The following DTNB variants were observed in gnomAD, a reference collection of about 807,000 sequenced individuals.
The protein encoded by DTNB is dystrobrevin beta, also known as DTN-B.
In DTNB, 63 loss-of-function variants were observed where a neutral mutation model predicts 90.7. The ratio of observed to expected loss-of-function variants is 0.69; its 90% CI spans 0.57 to 0.86. The LOEUF is 0.86. Among genes scored for constraint, DTNB ranks in the 40% least tolerant of loss-of-function variants. The pLI is 0.00. For synonymous variants in DTNB, 277 were observed against 286.7 expected, an observed-to-expected ratio of 0.97 and a Z score of 0.34; for missense variants, 744 against 807.1, an observed-to-expected ratio of 0.92 and a Z score of 0.95.
chr2:25,427,227 CTTT>C (rs1441937532), intron 15 of DTNB, among the ~76,000 whole-genome samples: 2 of 116,544 alleles, frequency 1.7e-5, no homozygotes, highest in East Asian at 2.2e-4. Context: ...ACACACACTA[CTTT>C]AAGTAGTTGA....
intron 3 of DTNB, among the ~76,000 whole-genome samples, chr2:25,631,862 T>C (rs1007258939): frequency 3.3e-5 from 5 of 152,090 alleles, no homozygotes; most frequent in Admixed American, 2.0e-4. Flanking sequence ...TGAGAGAATA[T>C]GTTTTATTTT....
chr2:25,388,084 A>G (rs141043589), intron 17 of DTNB, 118 bp downstream of exon 17: 1 of 1,478,324 alleles, frequency 6.8e-7, no homozygotes, highest in African/African-American at 1.4e-5. Flanking sequence ...CTGTCTGTCA[A>G]AATCTGATCA....
At chr2:25,607,460 ATTT>A in intron 4 of DTNB, 139 bp from the exon 5 acceptor site, 9 of 628,312 alleles carry the variant, frequency 1.4e-5, no homozygotes, top group African/African-American at 2.0e-5. Flanking sequence ...GAAACCCTGG[ATTT>A]TTTTTTTTTC....
chr2:25,529,144 G>T (rs1294477225), intron 9 of DTNB, among the ~76,000 whole-genome samples: 1 of 152,158 alleles, frequency 6.6e-6, no homozygotes, highest in Non-Finnish European at 1.5e-5. Flanking sequence ...TGAGATATTG[G>T]CATAGGGATG....
At chr2:25,433,805 C>T in intron 13 of DTNB, 105 bp downstream of exon 13, 1 of 1,323,734 alleles carries the variant, frequency 7.6e-7, no homozygotes, top group African/African-American at 1.5e-5. Context: ...GAGGCAAGGT[C>T]TTCCTTGGCG....
Position 25,448,289 on chromosome 2 carries a change from C to G in DTNB, c.1257+3259G>C, listed in dbSNP as rs541114942. Among the ~76,000 whole-genome samples the G allele has an allele frequency of 2.6e-5, 4 of 152,204 alleles. No homozygotes were observed. In the South Asian group the frequency reaches 8.3e-4, roughly 32 times the overall value. On this transcript the variant is annotated intron_variant, in intron 12 of 20. Transcript: ENST00000406818. ...GTCCACCATAGTATCCAATCTGGCA[C>G]AGTACAGCAACAAAAGAAGTATTTG...
chr2:25,381,593 C>T (rs955295549), intron 19 of DTNB, among the ~76,000 whole-genome samples: 1 of 152,192 alleles, frequency 6.6e-6, no homozygotes, highest in African/African-American at 2.4e-5. Context: ...CTATGCTGGT[C>T]TCAAACTCCT....
chr2:25,644,603 A>C (rs1262073131), intron 2 of DTNB, among the ~76,000 whole-genome samples: 7 of 152,062 alleles, frequency 4.6e-5, no homozygotes, highest in Non-Finnish European at 8.8e-5. Flanking sequence ...AAATACAAAA[A>C]TTAGCTGGGC....
chr2:25,591,719 T>C (rs2063608069), intron 6 of DTNB, among the ~76,000 whole-genome samples: 1 of 152,184 alleles, frequency 6.6e-6, no homozygotes, highest in African/African-American at 2.4e-5. Flanking sequence ...ACAATTTTTC[T>C]ATTATTAAAA....
At chr2:25,580,147 A>G (rs1211592672) in intron 7 of DTNB, among the ~76,000 whole-genome samples, 2 of 151,648 alleles carry the variant, frequency 1.3e-5, no homozygotes, top group African/African-American at 4.8e-5. Flanking sequence ...ACGCCCAGCT[A>G]ATTTTTGTAT....
intron 16 of DTNB, among the ~76,000 whole-genome samples, chr2:25,416,350 T>C (rs965015142): frequency 6.6e-6 from 1 of 152,246 alleles, no homozygotes; most frequent in Non-Finnish European, 1.5e-5. Context: ...AAACTCTTCA[T>C]TTTAAAAGTG....
chr2:25,435,706 T>C (rs2055513924), intron 12 of DTNB, among the ~76,000 whole-genome samples: 1 of 152,210 alleles, frequency 6.6e-6, no homozygotes, highest in South Asian at 2.1e-4. Flanking sequence ...TGAGCATGTA[T>C]GTTGAGTTAT....
intron 16 of DTNB, among the ~76,000 whole-genome samples, chr2:25,414,304 C>A (rs560626290): frequency 1.3e-5 from 2 of 152,242 alleles, no homozygotes; most frequent in South Asian, 4.1e-4. Flanking sequence ...GGCTGAAGTG[C>A]GGAGTGCAGT....
chr2:25,602,730 T>C (rs983596521), intron 5 of DTNB, among the ~76,000 whole-genome samples: 1 of 152,312 alleles, frequency 6.6e-6, no homozygotes, highest in African/African-American at 2.4e-5. Context: ...ATTATTATTA[T>C]AAAACCATTG....
At chr2:25,637,189 C>A (rs574406059) in intron 3 of DTNB, among the ~76,000 whole-genome samples, 1 of 152,078 alleles carries the variant, frequency 6.6e-6, no homozygotes, top group African/African-American at 2.4e-5. Flanking sequence ...CTTCCTTACA[C>A]CTTATACAAA....
chr2:25,570,406 CAAAAAA>C lies in DTNB; in HGVS notation c.876+6426_876+6431del, dbSNP rs146251976. Among the ~76,000 whole-genome samples the C allele has an allele frequency of 8.0e-4, 72 of 89,912 alleles. 1 individual carries two copies. Among genetic ancestry groups the C allele is most frequent in the African/African-American group, 3.4e-3 (67 of 19,628 alleles). The allele number at this position is 89,912 out of a possible 152,430, so 59.0% of individuals were successfully genotyped here. A position where few individuals can be genotyped will look rare whatever the true frequency, so the allele number is the denominator to read the frequency against. ...TGGACAATAGAGTGGTTTCCTGTCT[CAAAAAA>C]AAAAAAAAAAAAAAAAAAAGAAGAA... On this transcript the variant is annotated intron_variant, in intron 8 of 20. Transcript: ENST00000406818.
chr2:25,453,068 G>A (rs1265568171), intron 11 of DTNB, among the ~76,000 whole-genome samples: 1 of 152,082 alleles, frequency 6.6e-6, no homozygotes, highest in Admixed American at 6.6e-5. Flanking sequence ...AAAAATGAAT[G>A]CTTAACGATA....
At chr2:25,634,558 C>T in intron 3 of DTNB, among the ~76,000 whole-genome samples, 1 of 143,186 alleles carries the variant, frequency 7.0e-6, no homozygotes, top group African/African-American at 2.5e-5. Context: ...GGGAGGTGTG[C>T]CCAGCAGCTC....
rs1359014707 is a variant in DTNB, at chr2:25,583,262, A to AAT, written c.604-2438_604-2437dup. Among the ~76,000 whole-genome samples, 369 of 137,432 alleles carry AAT rather than the reference A, an allele frequency of 2.7e-3. 2 individuals carry two copies. The highest frequency in any genetic ancestry group is 0.021 in the East Asian group (99 of 4,818). The allele number at this position is 137,432 out of a possible 152,430, so 90.2% of individuals were successfully genotyped here. A position where few individuals can be genotyped will look rare whatever the true frequency, so the allele number is the denominator to read the frequency against. On this transcript the variant is annotated intron_variant, in intron 6 of 20. Coordinates refer to ENST00000406818, the MANE Select transcript of DTNB (RefSeq NM_021907.5). Reference sequence around the variant, plus strand: ...ATTCCGTCTCAAAAAAAAAAAAAAAAATATATATATATATATATACACACA... The same window carrying AAT: ...ATTCCGTCTCAAAAAAAAAAAAAAAAATATATATATATATATATATACACACA...
Sources: gnomAD v4.1 joint callset for allele counts (sites outside exome capture counted in the v4.1 genomes callset) on GRCh38, gnomAD v4.1.1 for gene constraint, MANE v1.5 for transcripts, NCBI Gene and HGNC (gene_info 2026-07-23, HGNC 2026-07-21) for gene names.